MRPL58: variants seen among roughly 807,000 people sequenced by gnomAD.
MRPL58 encodes the protein large ribosomal subunit protein mL62.
Under a neutral mutation model 26.0 loss-of-function variants are expected in MRPL58, and 17 were observed. That is an observed-to-expected ratio of 0.65 (90% CI 0.45 to 0.98). The LOEUF is 0.98. Ranked by LOEUF, MRPL58 falls within the 50% of genes least tolerant of loss-of-function variation. The pLI, the probability that MRPL58 is intolerant of heterozygous loss-of-function variation, is 0.00. For missense variants in MRPL58, 250 were observed against 269.0 expected (o/e 0.93, Z 0.49); for synonymous variants, 100 against 99.7 (o/e 1.00, Z -0.02).
chr17:75,020,383 G>A lies in MRPL58; in HGVS notation c.354G>A (p.Lys118=), dbSNP rs753997319. The change falls in exon 4 of 6, where the codon AAG becomes AAA. Residue 118 remains lysine, a synonymous_variant. Transcript: ENST00000301585. ...GGATCGCGGAGCCCGTGCGGCAGAA[G>A]ATAGCCATCACGGTAACCACCATCC... is the stretch of plus-strand genomic sequence containing the variant. ...AEWIAEPVRQ[K]IAITHKNKIN... The A allele has an allele frequency of 1.2e-5, 19 of 1,614,022 alleles. No homozygotes were observed. The highest frequency in any genetic ancestry group is 1.4e-5 in the Non-Finnish European group (17 of 1,180,010).
chr17:75,018,060 T>G (rs1377634402), intron 2 of MRPL58, among the ~76,000 whole-genome samples: 4 of 152,068 alleles, frequency 2.6e-5, no homozygotes, highest in Non-Finnish European at 5.9e-5. Flanking sequence ...GAATAGCAAA[T>G]AAATGATGGT....
chr17:75,013,357 G>A (rs2039948325), intron 1 of MRPL58, among the ~76,000 whole-genome samples: 1 of 152,204 alleles, frequency 6.6e-6, no homozygotes, highest in African/African-American at 2.4e-5. Flanking sequence ...CCCGGAGCAA[G>A]AGAGATAAGA....
At chr17:75,013,353 G>A (rs1183905965) in intron 1 of MRPL58, among the ~76,000 whole-genome samples, 3 of 152,174 alleles carry the variant, frequency 2.0e-5, no homozygotes. Context: ...AAGCCCCGGA[G>A]CAAGAGAGAT....
At chr17:75,012,969 G>C in intron 1 of MRPL58, 97 bp downstream of exon 1, 2 of 1,170,778 alleles carry the variant, frequency 1.7e-6, no homozygotes, top group Non-Finnish European at 2.4e-6. Context: ...AGCTACGTCG[G>C]GGGGCTACGT....
At position 75,019,640 on chromosome 17, in the gene MRPL58, G is replaced by T; in HGVS notation, c.224-60G>T. On this transcript the variant is annotated intron_variant, in intron 2 of 5. Coordinates refer to ENST00000301585, the MANE Select transcript of MRPL58 (RefSeq NM_001545.3). The stretch of plus-strand genomic sequence containing the variant: ...TCCCTACATTCCTCAGACACAACAA[G>T]ACTGCTTTTCATGCCATGAGGTAAT... 2.7e-6 allele frequency: 4 copies of T among 1,499,194 alleles called. No homozygotes were observed. In the African/African-American group the frequency reaches 4.1e-5, roughly 15 times the overall value. The allele number at this position is 1,499,194 out of a possible 1,614,324, so 92.9% of individuals were successfully genotyped here. A position where few individuals can be genotyped will look rare whatever the true frequency, so the allele number is the denominator to read the frequency against.
chr17:75,017,256 A>G (rs1598667830), intron 2 of MRPL58, 142 bp downstream of exon 2: 1 of 671,622 alleles, frequency 1.5e-6, no homozygotes, highest in African/African-American at 1.8e-5. Context: ...GTGCCATTGC[A>G]CTCCAGCCTG....
chr17:75,020,908 T>C lies in MRPL58; in HGVS notation c.537-13T>C. On this transcript the variant is annotated splice_polypyrimidine_tract_variant and intron_variant, in intron 5 of 5. Coordinates refer to ENST00000301585, the MANE Select transcript of MRPL58 (RefSeq NM_001545.3). ...TGGGCATCTGGGGCTAATTGCAGTCTTTTTGTTTTCAGGATAGAAAACATG... is the reference window on the plus strand; with the variant it reads ...TGGGCATCTGGGGCTAATTGCAGTCCTTTTGTTTTCAGGATAGAAAACATG... 2 of 1,608,506 alleles carry C rather than the reference T, an allele frequency of 1.2e-6. No individual in the cohort carries two copies. Among genetic ancestry groups the C allele is most frequent in the Non-Finnish European group, 1.7e-6 (2 of 1,174,920 alleles).
intron 1 of MRPL58, among the ~76,000 whole-genome samples, chr17:75,015,651 T>TCAGAAGGAA (rs1318908268): frequency 6.6e-6 from 1 of 152,170 alleles, no homozygotes; most frequent in South Asian, 2.1e-4. Flanking sequence ...GAGGAAAATT[T>TCAGAAGGAA]CAGAAGGAAC....
At chr17:75,014,941 T>G (rs2039962541) in intron 1 of MRPL58, among the ~76,000 whole-genome samples, 1 of 152,210 alleles carries the variant, frequency 6.6e-6, no homozygotes, top group Admixed American at 6.5e-5. Flanking sequence ...AGCTTAATTC[T>G]AATGGAAGGA....
rs764786457 is a variant in MRPL58, at chr17:75,020,943, A to G, written c.559A>G (p.Arg187Gly). 1.2e-6 allele frequency: 2 copies of G among 1,613,782 alleles called. No homozygotes were observed. The highest frequency in any genetic ancestry group is 2.7e-5 in the African/African-American group (2 of 74,882). Residue 187 changes from arginine to glycine, a missense_variant, in exon 6 of 6, where the codon AGG (arginine) becomes GGG (glycine). Transcript: ENST00000301585. Reference protein sequence around the residue: ...RIRIENMNRERLRQKRIHSAV... With the variant: ...RIRIENMNREGLRQKRIHSAV... ...CAGGATAGAAAACATGAATCGGGAA[A>G]GGCTGAGACAAAAGAGAATTCATTC...
intron 1 of MRPL58, among the ~76,000 whole-genome samples, chr17:75,015,657 G>A (rs2039967724): frequency 6.6e-6 from 1 of 152,282 alleles, no homozygotes; most frequent in South Asian, 2.1e-4. Context: ...AATTTCAGAA[G>A]GAACAGAAGG....
At chr17:75,017,533 G>A (rs1282044028) in intron 2 of MRPL58, among the ~76,000 whole-genome samples, 1 of 152,190 alleles carries the variant, frequency 6.6e-6, no homozygotes, top group Non-Finnish European at 1.5e-5. Context: ...TGGATCATCC[G>A]AGGTCAGGAG....
At position 75,012,703 on chromosome 17, in the gene MRPL58, G is replaced by T. The variant is rs368786552; in HGVS notation, c.17G>T (p.Cys6Phe). Residue 6 changes from cysteine (C) to phenylalanine (F), a missense_variant, in exon 1 of 6, where the codon TGC becomes TTC. Coordinates refer to ENST00000301585, the MANE Select transcript of MRPL58 (RefSeq NM_001545.3). The stretch of plus-strand genomic sequence containing the variant: ...GACCTGAGCATGGCGGCCACCAGGT[G>T]CCTGCGCTGGGGCCTGAGCCGAGCC... The part of the protein sequence containing the change: MAATR[C>F]LRWGLSRAGV... The T allele has an allele frequency of 2.7e-5, 42 of 1,559,116 alleles. No homozygotes were observed. The highest frequency in any genetic ancestry group is 5.9e-5 in the South Asian group (5 of 85,258).
intron 1 of MRPL58, among the ~76,000 whole-genome samples, chr17:75,016,422 A>C (rs2039974683): frequency 6.6e-6 from 1 of 152,252 alleles, no homozygotes; most frequent in African/African-American, 2.4e-5. Context: ...TCTCAAAAAA[A>C]AAAGAAATGA....
intron 1 of MRPL58, among the ~76,000 whole-genome samples, chr17:75,013,943 C>T (rs1264056488): frequency 6.6e-6 from 1 of 152,092 alleles, no homozygotes; most frequent in African/African-American, 2.4e-5. Flanking sequence ...ATGGAATTAT[C>T]TTAGTTTTAC....
At chr17:75,015,345 G>A (rs141963278) in intron 1 of MRPL58, among the ~76,000 whole-genome samples, 3,444 of 152,214 alleles carry the variant, frequency 0.023, 136 homozygotes, top group African/African-American at 0.079. Flanking sequence ...TTAGTCGGGC[G>A]TGGTGGCACA....
chr17:75,017,684 G>T (rs978659548), intron 2 of MRPL58, among the ~76,000 whole-genome samples: 1 of 152,138 alleles, frequency 6.6e-6, no homozygotes, highest in Non-Finnish European at 1.5e-5. Context: ...GAAGGCAGAG[G>T]TTGCAGTGAG....
chr17:75,015,246 A>G (rs922485357), intron 1 of MRPL58, among the ~76,000 whole-genome samples: 8 of 152,148 alleles, frequency 5.3e-5, no homozygotes, highest in Non-Finnish European at 1.2e-4. Flanking sequence ...CAGCACTTTG[A>G]GAGGCCAAGG....
intron 1 of MRPL58, among the ~76,000 whole-genome samples, chr17:75,014,272 G>A (rs1415796738): frequency 1.5e-5 from 2 of 130,184 alleles, no homozygotes; most frequent in South Asian, 2.7e-4. Flanking sequence ...TGCAAGCTCC[G>A]CCTCCCGGGT....
Sources: gnomAD v4.1 joint callset for allele counts (sites outside exome capture counted in the v4.1 genomes callset) on GRCh38, gnomAD v4.1.1 for gene constraint, MANE v1.5 for transcripts, NCBI Gene and HGNC (gene_info 2026-07-23, HGNC 2026-07-21) for gene names.